PKD1L1: variants seen among roughly 807,000 people sequenced by gnomAD.
PKD1L1 encodes polycystin 1 like 1, transient receptor potential channel interacting, also known as polycystin-1-like protein 1.
In PKD1L1, 236 loss-of-function variants were observed where a neutral mutation model predicts 323.4. The ratio of observed to expected loss-of-function variants is 0.73; its 90% confidence interval spans 0.66 to 0.81. PKD1L1 has a LOEUF of 0.81. Among genes scored for constraint, PKD1L1 ranks in the 40% least tolerant of loss-of-function variants. PKD1L1 has a pLI of 0.00. For synonymous variants in PKD1L1, 1,344 were observed against 1,335.0 expected (o/e 1.01, Z -0.15); for missense variants, 3,320 against 3,508.0 (o/e 0.95, Z 1.35).
At chr7:47,916,189 C>A (rs2128752856) in intron 7 of PKD1L1, among the ~76,000 whole-genome samples, 2 of 152,322 alleles carry the variant, frequency 1.3e-5, no homozygotes, top group South Asian at 4.1e-4. Context: ...TACCTATCTA[C>A]CTACCTGTCA....
At chr7:47,890,897 A>G (rs1302252877) in intron 15 of PKD1L1, 134 bp from the exon 16 acceptor site, 1 of 771,316 alleles carries the variant, frequency 1.3e-6, no homozygotes, top group East Asian at 2.7e-5. Context: ...ATTGCTTCCC[A>G]CATTTTCTCC....
At chr7:47,894,130 G>C (rs1318244917) in intron 14 of PKD1L1, 71 bp from the exon 15 acceptor site, 4 of 1,392,144 alleles carry the variant, frequency 2.9e-6, no homozygotes, top group Non-Finnish European at 3.9e-6. Context: ...AAACACACTA[G>C]TCTGAAAATT....
chr7:47,835,074 T>A, intron 38 of PKD1L1, 35 bp from the exon 39 acceptor site: 1 of 1,611,626 alleles, frequency 6.2e-7, no homozygotes, highest in Non-Finnish European at 8.5e-7. Context: ...CCAAGCGTGT[T>A]CCCCAGCAAT....
intron 24 of PKD1L1, among the ~76,000 whole-genome samples, chr7:47,869,869 G>A (rs1193642139): frequency 2.0e-5 from 3 of 152,004 alleles, no homozygotes; most frequent in African/African-American, 7.2e-5. Flanking sequence ...TTAAACTACT[G>A]CTATTATACA....
chr7:47,950,025 G>A (rs952611684), upstream of PKD1L1, among the ~76,000 whole-genome samples: 1 of 152,142 alleles, frequency 6.6e-6, no homozygotes, highest in African/African-American at 2.4e-5. Context: ...TCAGATTTGG[G>A]GGAAATGCAT....
At chr7:47,894,701 A>G (rs1786898438) in intron 14 of PKD1L1, among the ~76,000 whole-genome samples, 1 of 151,976 alleles carries the variant, frequency 6.6e-6, no homozygotes, top group Admixed American at 6.5e-5. Flanking sequence ...AAATACAAAA[A>G]TTAGCTGAGC....
chr7:47,938,032 C>T (rs140729762), intron 3 of PKD1L1, among the ~76,000 whole-genome samples: 305 of 152,254 alleles, frequency 2.0e-3, no homozygotes, highest in African/African-American at 7.1e-3. Context: ...CCAGAGACAA[C>T]GCCCCACTGT....
intron 40 of PKD1L1, among the ~76,000 whole-genome samples, chr7:47,833,822 G>T (rs1252959846): frequency 6.6e-6 from 1 of 152,158 alleles, no homozygotes; most frequent in Non-Finnish European, 1.5e-5. Context: ...TAGCAATGGG[G>T]TAACGCAGCT....
At position 47,790,681 on chromosome 7, in the gene PKD1L1, A is replaced by G. The variant is rs151203717; in HGVS notation, c.8526+1946T>C. ...TGGAGATGACTTGATTTTCAGGGGT[A>G]GGAGGTATCTAGGTGTCAGTAGGAT... On this transcript the variant is annotated intron_variant, in intron 56 of 56. Coordinates refer to ENST00000289672, the MANE Select transcript of PKD1L1 (RefSeq NM_138295.5). Among the ~76,000 whole-genome samples, 787 of 152,256 alleles carry G rather than the reference A, an allele frequency of 5.2e-3. 7 individuals carry two copies. Among genetic ancestry groups the G allele is most frequent in the Admixed American group, 9.9e-3 (151 of 15,294 alleles).
At chr7:47,818,038 G>A (rs531144490) in intron 46 of PKD1L1, 16 of 1,366,758 alleles carry the variant, frequency 1.2e-5, no homozygotes, top group South Asian at 2.3e-5. Flanking sequence ...CTTTTATTGG[G>A]TGCTGGTTCT....
chr7:47,960,594 T>C, the PKD1L1 span, among the ~76,000 whole-genome samples: 1 of 151,142 alleles, frequency 6.6e-6, no homozygotes, highest in African/African-American at 2.4e-5. Flanking sequence ...TGCCTTTAAC[T>C]AGAGTGTGTG....
intron 7 of PKD1L1, among the ~76,000 whole-genome samples, chr7:47,921,380 T>A (rs995306788): frequency 1.8e-4 from 27 of 150,318 alleles, no homozygotes; most frequent in Non-Finnish European, 3.7e-4. Flanking sequence ...AATCAAAAAA[T>A]AAAAAAATAG....
Position 47,835,001 on chromosome 7 carries a change from T to C in PKD1L1, c.6093A>G (p.Pro2031=), listed in dbSNP as rs1785426587. 5 of 1,613,780 alleles carry C rather than the reference T, an allele frequency of 3.1e-6. No homozygotes were observed. Among genetic ancestry groups the C allele is most frequent in the African/African-American group, 2.7e-5 (2 of 74,920 alleles). Residue 2031 remains proline (P), a synonymous_variant, in exon 39 of 57, where the codon CCA becomes CCG. Transcript: ENST00000289672. ...PGSARVEPHS[P]LRGGAQTEAP... ...CCTCGGTCTGTGCTCCTCCTCTAAG[T>C]GGGCTGTGTGGCTCCACTCGGGCAG...
In PKD1L1 at chr7:47,813,232, C is replaced by T. The variant is rs1784940391; in HGVS notation, c.7235G>A (p.Gly2412Glu). The stretch of plus-strand genomic sequence containing the variant: ...TATCAGGTAGGGGTTCTCAGGGCCT[C>T]CAACTTCGGGACTACATGTAGGAAT... Reference protein sequence around the residue: ...DSIPTCSPEVGGPENPYLIDP... With the variant: ...DSIPTCSPEVEGPENPYLIDP... The change falls in exon 49 of 57, where the codon GGA becomes GAA. Residue 2412 changes from glycine (G) to glutamate (E), a missense_variant. Transcript: ENST00000289672. The T allele has an allele frequency of 6.2e-7, 1 of 1,614,180 alleles. No homozygotes were observed. The highest frequency in any genetic ancestry group is 8.5e-7 in the Non-Finnish European group (1 of 1,180,026).
rs1175943506 is a variant in PKD1L1, at chr7:47,855,271, G to C, written c.4591-6C>G. 3.1e-6 allele frequency: 5 copies of C among 1,607,970 alleles called. No homozygotes were observed. The highest frequency in any genetic ancestry group is 4.3e-6 in the Non-Finnish European group (5 of 1,175,812). On this transcript the variant is annotated splice_region_variant and splice_polypyrimidine_tract_variant and intron_variant, in intron 28 of 56. Transcript: ENST00000289672. ...AGGCCCACAACTCCACCAATCTTGG[G>C]GAACAAAGACCATCTCAGAGCAAAT...
chr7:47,950,279 G>C (rs960341907), upstream of PKD1L1, among the ~76,000 whole-genome samples: 19 of 152,166 alleles, frequency 1.2e-4, no homozygotes, highest in African/African-American at 4.6e-4. Context: ...GCTGCTGCCT[G>C]TTCCTTCCTT....
Position 47,877,575 on chromosome 7 carries a change from G to C in PKD1L1, c.3577C>G (p.Pro1193Ala), listed in dbSNP as rs547979351. ...TGCACCTGACAGGCCATGTCCCGAG[G>C]AGCCGGGTTGACTGTCAAGTACAGC... ...AQLYLTVNPA[P>A]RDMACQVQPH... Residue 1193 changes from proline to alanine, a missense_variant, in exon 22 of 57, where the codon CCT becomes GCT. Physicochemically the swap from Pro to Ala is conservative, Grantham distance 27 (BLOSUM62 -1). Transcript: ENST00000289672. 6.2e-7 allele frequency: 1 copy of C among 1,614,010 alleles called. No homozygotes were observed. Among genetic ancestry groups the C allele is most frequent in the African/African-American group, 1.3e-5 (1 of 74,932 alleles).
At chr7:47,850,434 C>A (rs1156868536) in intron 31 of PKD1L1, among the ~76,000 whole-genome samples, 1 of 152,000 alleles carries the variant, frequency 6.6e-6, no homozygotes, top group Admixed American at 6.6e-5. Context: ...GAGTTCAAGG[C>A]CAGCCTGACC....
chr7:47,893,868 T>G lies in PKD1L1; in HGVS notation c.2453+10A>C. 2.5e-6 allele frequency: 4 copies of G among 1,610,960 alleles called. No individual in the cohort carries two copies. Among genetic ancestry groups the G allele is most frequent in the Non-Finnish European group, 3.4e-6 (4 of 1,178,932 alleles). The stretch of plus-strand genomic sequence containing the variant: ...GTAGCTGCGCAGCTCTGTGTGGGGG[T>G]GGTGCTCACCTGAGAGTCGCCCCAG... On this transcript the variant is annotated intron_variant, in intron 15 of 56. Transcript: ENST00000289672.
Sources: allele counts gnomAD v4.1 joint callset (sites outside exome capture counted in the v4.1 genomes callset), GRCh38; gene constraint gnomAD v4.1.1; transcripts MANE v1.5; gene names NCBI Gene and HGNC (gene_info 2026-07-23, HGNC 2026-07-21).